The following TMEM98 variants were observed in gnomAD, a reference collection of about 807,000 sequenced individuals.
The protein encoded by TMEM98 is transmembrane protein 98.
In TMEM98, 18 loss-of-function variants were observed where a neutral mutation model predicts 25.0. The observed-to-expected ratio is 0.72, with a 90% CI of 0.50 to 1.07. The LOEUF is 1.07. TMEM98 is among the 50% of genes least tolerant of loss of function. TMEM98 has a pLI of 0.00. For missense variants in TMEM98, 241 were observed against 289.0 expected (o/e 0.83, Z 1.20); for synonymous variants, 103 against 112.4 (o/e 0.92, Z 0.53).
chr17:32,931,406 AGACCCACCT>A lies in TMEM98; in HGVS notation c.-55+6_-55+14del. The A allele has an allele frequency of 7.2e-7, 1 of 1,394,596 alleles. No individual in the cohort carries two copies. Among genetic ancestry groups the A allele is most frequent in the Non-Finnish European group, 9.6e-7 (1 of 1,044,340 alleles). The allele number at this position is 1,394,596 out of a possible 1,614,324, so 86.4% of individuals were successfully genotyped here. ...CCCAATTTGCCACTTCCAGCAGGTA[AGACCCACCT>A]GTCCCACTCTCTTTCGTGGCTTCTT... On this transcript the variant is annotated splice_donor_5th_base_variant and intron_variant, in intron 2 of 7. Coordinates refer to ENST00000579849, the MANE Select transcript of TMEM98 (RefSeq NM_015544.3).
rs2091533894 is a variant in TMEM98 at position 32,942,059 on chromosome 17, T to C, written c.*1066T>C. The C allele has an allele frequency of 6.6e-6, 1 of 152,106 alleles. No individual in the cohort carries two copies. Among genetic ancestry groups the C allele is most frequent in the African/African-American group, 2.4e-5 (1 of 41,408 alleles). 9.4% of individuals were successfully genotyped at this position (152,106 alleles called of 1,614,324 possible). A position where few individuals can be genotyped will look rare whatever the true frequency, so the allele number is the denominator to read the frequency against. On this transcript the variant is annotated 3_prime_UTR_variant, in exon 8 of 8. Transcript: ENST00000579849. ...CATGTCTCCAAAACATACATATATA[T>C]AAAATATATTTAAAGACCTCTTGGA... is the stretch of plus-strand genomic sequence containing the variant.
At chr17:32,937,745 C>T (rs896604014) in intron 6 of TMEM98, among the ~76,000 whole-genome samples, 2 of 152,124 alleles carry the variant, frequency 1.3e-5, no homozygotes, top group African/African-American at 2.4e-5. Context: ...TGCCTGCTAC[C>T]ATGTCTGGCT....
At chr17:32,928,618 G>A (rs1038657705) in intron 1 of TMEM98, among the ~76,000 whole-genome samples, 1 of 151,902 alleles carries the variant, frequency 6.6e-6, no homozygotes, top group African/African-American at 2.4e-5. Flanking sequence ...TCTTCAGTAC[G>A]CAGGGAAGAA....
chr17:32,944,014 G>T lies in TMEM98; in HGVS notation c.*3021G>T, dbSNP rs757887458. 18 of 150,304 alleles carry T rather than the reference G, an allele frequency of 1.2e-4. No homozygotes were observed. The highest frequency in any genetic ancestry group is 2.1e-4 in the Non-Finnish European group (14 of 66,820). 9.3% of individuals were successfully genotyped at this position (150,304 alleles called of 1,614,324 possible). A position where few individuals can be genotyped will look rare whatever the true frequency, so the allele number is the denominator to read the frequency against. On this transcript the variant is annotated 3_prime_UTR_variant, in exon 8 of 8. Transcript: ENST00000579849. The stretch of plus-strand genomic sequence containing the variant: ...TACAAAGCCGTCGCCTCTAATCAGT[G>T]TTCAAAGGGTCGATTGTGCAACTCA...
At chr17:32,931,053 A>T (rs772767543) in intron 1 of TMEM98, 89 of 153,716 alleles carry the variant, frequency 5.8e-4, no homozygotes, top group Non-Finnish European at 1.1e-3. Flanking sequence ...AAATACAAAA[A>T]ATTAGCCGGG....
chr17:32,936,575 A>G (rs1237070351), intron 6 of TMEM98, 128 bp downstream of exon 6: 3 of 773,112 alleles, frequency 3.9e-6, no homozygotes, highest in Non-Finnish European at 6.3e-6. Flanking sequence ...TTTGTTTCCC[A>G]CACATTTACA....
intron 1 of TMEM98, among the ~76,000 whole-genome samples, chr17:32,929,673 GGTCCAGTGAGCTCGA>G (rs1292016435): frequency 1.3e-5 from 2 of 151,970 alleles, no homozygotes; most frequent in Non-Finnish European, 2.9e-5. Context: ...TCCTTCTTGT[GGTCCAGTGAGCTCGA>G]GATGGGAGAG....
chr17:32,936,187 T>G, intron 5 of TMEM98, 145 bp from the exon 6 acceptor site: 1 of 625,748 alleles, frequency 1.6e-6, no homozygotes, highest in Non-Finnish European at 2.7e-6. Flanking sequence ...CCGTTTCCTC[T>G]CATCTCTGTA....
Position 32,931,662 on chromosome 17 carries a change from G to T in TMEM98, c.131+3G>T. ...CTGCTGCAGCGCTATGATTCTAAGT[G>T]AGTGAGCCTATGGAGGGCAAGGAGG... On this transcript the variant is annotated splice_donor_region_variant and intron_variant, in intron 3 of 7. Transcript: ENST00000579849. 6.2e-7 allele frequency: 1 copy of T among 1,605,264 alleles called. No homozygotes were observed.
intron 1 of TMEM98, 94 bp from the exon 2 acceptor site, chr17:32,931,233 C>G (rs897809702): frequency 7.4e-5 from 21 of 283,624 alleles, no homozygotes; most frequent in Non-Finnish European, 1.4e-4. Context: ...AACAAACAAA[C>G]AAAAAATTTT....
rs1468884183 is a variant in TMEM98 at position 32,933,271 on chromosome 17, A to C, written c.229A>C (p.Ile77Leu). The change falls in exon 4 of 8, where the codon ATT (isoleucine) becomes CTT (leucine). Residue 77 changes from isoleucine (I) to leucine (L), a missense_variant. By Grantham distance (5) the Ile-to-Leu change is conservative. Coordinates refer to ENST00000579849, the MANE Select transcript of TMEM98 (RefSeq NM_015544.3). ...VVITNPHIEA[I>L]LENEDWIEDA... ...TATCACCAACCCCCACATTGAGGCC[A>C]TTCTGGAGAATGAAGACTGGATCGA... 1 of 1,614,072 alleles carries C rather than the reference A, an allele frequency of 6.2e-7. No homozygotes were observed. Among genetic ancestry groups the C allele is most frequent in the Non-Finnish European group, 8.5e-7 (1 of 1,180,028 alleles).
chr17:32,935,682 G>A (rs982390018), intron 5 of TMEM98, among the ~76,000 whole-genome samples: 11 of 152,130 alleles, frequency 7.2e-5, no homozygotes, highest in Admixed American at 6.5e-4. Flanking sequence ...CCTTGCCATG[G>A]ATAGAGGCGC....
In TMEM98 at chr17:32,936,608, A is replaced by G. The variant is rs1020347560; in HGVS notation, c.413+161A>G. ...ACAGAGTGACCAGGAGGGTTTAGAT[A>G]CCGAGACTTCTCAGCTAAGGTGGGC... On this transcript the variant is annotated intron_variant, in intron 6 of 7. Transcript: ENST00000579849. 1.3e-5 allele frequency: 8 copies of G among 639,102 alleles called. No individual in the cohort carries two copies. The African/African-American group carries it at 1.5e-4, about 12-fold the overall frequency. 39.6% of individuals were successfully genotyped at this position (639,102 alleles called of 1,614,324 possible).
chr17:32,938,984 C>T (rs1246105802), intron 6 of TMEM98, among the ~76,000 whole-genome samples: 1 of 152,162 alleles, frequency 6.6e-6, no homozygotes, highest in Non-Finnish European at 1.5e-5. Flanking sequence ...ACAAAGTAGT[C>T]TCTGCAAAGA....
rs1056257737 is a variant in TMEM98, at chr17:32,942,051, C to CAT, written c.*1066_*1067dup. The CAT allele has an allele frequency of 4.6e-5, 7 of 152,068 alleles. No individual in the cohort carries two copies. Among genetic ancestry groups the CAT allele is most frequent in the African/African-American group, 7.2e-5 (3 of 41,404 alleles). 9.4% of individuals were successfully genotyped at this position (152,068 alleles called of 1,614,324 possible). A position where few individuals can be genotyped will look rare whatever the true frequency, so the allele number is the denominator to read the frequency against. Reference sequence around the variant, plus strand: ...AGTGAGACCATGTCTCCAAAACATACATATATATAAAATATATTTAAAGAC... The same window carrying CAT: ...AGTGAGACCATGTCTCCAAAACATACATATATATATAAAATATATTTAAAGAC... On this transcript the variant is annotated 3_prime_UTR_variant, in exon 8 of 8. Transcript: ENST00000579849.
intron 1 of TMEM98, among the ~76,000 whole-genome samples, chr17:32,928,791 ACT>A (rs1264177982): frequency 2.0e-5 from 3 of 147,002 alleles, no homozygotes; most frequent in African/African-American, 8.1e-5. Context: ...GTTCACACAC[ACT>A]CAGAAACACA....
intron 3 of TMEM98, among the ~76,000 whole-genome samples, chr17:32,932,384 A>T (rs2091474710): frequency 2.6e-5 from 4 of 152,218 alleles, no homozygotes; most frequent in Admixed American, 2.0e-4. Flanking sequence ...TACAGGCATG[A>T]GCCACCATGC....
At position 32,941,182 on chromosome 17, in the gene TMEM98, A is replaced by G. The variant is rs1373475614; in HGVS notation, c.*189A>G. ...TTGCAGTTGCAAACTGTGGCTGGTG[A>G]GTGGCAGTCTAATACTACAGTTAGG... is the stretch of plus-strand genomic sequence containing the variant. On this transcript the variant is annotated 3_prime_UTR_variant, in exon 8 of 8. Coordinates refer to ENST00000579849, the MANE Select transcript of TMEM98 (RefSeq NM_015544.3). The G allele has an allele frequency of 1.8e-5, 10 of 562,942 alleles. No homozygotes were observed. Among genetic ancestry groups the G allele is most frequent in the Non-Finnish European group, 3.1e-5 (10 of 319,630 alleles). The allele number at this position is 562,942 out of a possible 1,614,324, so 34.9% of individuals were successfully genotyped here. A position where few individuals can be genotyped will look rare whatever the true frequency, so the allele number is the denominator to read the frequency against.
At chr17:32,929,163 G>A (rs2091451611) in intron 1 of TMEM98, among the ~76,000 whole-genome samples, 1 of 151,230 alleles carries the variant, frequency 6.6e-6, no homozygotes, top group African/African-American at 2.4e-5. Flanking sequence ...CAGAAACATA[G>A]CTAACACTCA....
Sources: gnomAD v4.1 joint callset for allele counts (sites outside exome capture counted in the v4.1 genomes callset) on GRCh38, gnomAD v4.1.1 for gene constraint, MANE v1.5 for transcripts, NCBI Gene and HGNC (gene_info 2026-07-23, HGNC 2026-07-21) for gene names.